The following ITPRID2 variants were observed in gnomAD, a reference collection of about 807,000 sequenced individuals.
ITPRID2 encodes ITPR interacting domain containing 2, also known as protein ITPRID2.
ITPRID2 carries 60 observed loss-of-function variants against 124.3 expected under a neutral mutation model. That is an observed-to-expected ratio of 0.48 (90% CI 0.39 to 0.60). The LOEUF (loss-of-function observed/expected upper bound fraction) is 0.60. Ranked by LOEUF, ITPRID2 falls within the 20% of genes least tolerant of loss-of-function variation. The pLI, the probability that ITPRID2 is intolerant of heterozygous loss-of-function variation, is 0.00. For missense variants in ITPRID2, 1,553 were observed against 1,512.2 expected, an observed-to-expected ratio of 1.03 and a Z score of -0.45; for synonymous variants, 521 against 542.9, an observed-to-expected ratio of 0.96 and a Z score of 0.56.
At position 181,905,301 on chromosome 2, in the gene ITPRID2, G is replaced by A. The variant is rs369590599; in HGVS notation, c.1413+2835G>A. 7.9e-5 allele frequency among the ~76,000 whole-genome samples: 12 copies of A among 151,828 alleles called. No individual in the cohort carries two copies. Among genetic ancestry groups the A allele is most frequent in the South Asian group, 2.1e-4 (1 of 4,818 alleles). On this transcript the variant is annotated intron_variant, in intron 8 of 17. Transcript: ENST00000431877. The surrounding 1 kb of genome is among the most constrained non-coding windows in gnomAD (Gnocchi z 4.1). The stretch of plus-strand genomic sequence containing the variant: ...CCTGACCTCGTGATCTGACCACCTC[G>A]GCCTCCCAAAATGCTGGGATTACAG...
At chr2:181,926,456 G>A (rs994093194) in intron 16 of ITPRID2, among the ~76,000 whole-genome samples, 2 of 152,096 alleles carry the variant, frequency 1.3e-5, no homozygotes, top group African/African-American at 4.8e-5. Context: ...GCTCACGCCT[G>A]TAATCCCAGC....
chr2:181,892,778 G>C lies in ITPRID2; in HGVS notation c.257+118G>C, dbSNP rs554085222. ...CGCGACCGTTGTAAGCTACAAACCG[G>C]AAAGTGAGCCGGCGGATAGCTTCCT... On this transcript the variant is annotated intron_variant, in intron 2 of 17. Coordinates refer to ENST00000431877, the MANE Select transcript of ITPRID2 (RefSeq NM_001130445.3). The surrounding 1 kb of genome is among the most constrained non-coding windows in gnomAD (Gnocchi z 5.2). The C allele has an allele frequency of 8.3e-7, 1 of 1,208,924 alleles. No individual in the cohort carries two copies. The highest frequency in any genetic ancestry group is 1.5e-5 in the African/African-American group (1 of 66,428). The allele number at this position is 1,208,924 out of a possible 1,614,324, so 74.9% of individuals were successfully genotyped here.
Position 181,910,502 on chromosome 2 carries a change from T to C in ITPRID2, c.1486+531T>C. The C allele has an allele frequency of 1.6e-6, 1 of 627,964 alleles. No individual in the cohort carries two copies. The highest frequency in any genetic ancestry group is 2.9e-6 in the Non-Finnish European group (1 of 349,028). 38.9% of individuals were successfully genotyped at this position (627,964 alleles called of 1,614,324 possible). On this transcript the variant is annotated intron_variant, in intron 9 of 17. Transcript: ENST00000431877. This position sits in a 1 kb window ranked among gnomAD's most constrained non-coding sequence, Gnocchi z 4.1. Reference sequence around the variant, plus strand: ...ATTATTAATTATTGACCAAAGAACCTTTGAATCCATCCCTTTCACTTTTAA... The same window carrying C: ...ATTATTAATTATTGACCAAAGAACCCTTGAATCCATCCCTTTCACTTTTAA...
chr2:181,900,894 T>C lies in ITPRID2; in HGVS notation c.702T>C (p.Tyr234=). The change falls in exon 7 of 18, where the codon TAT becomes TAC. Residue 234 remains tyrosine, a synonymous_variant. Coordinates refer to ENST00000431877, the MANE Select transcript of ITPRID2 (RefSeq NM_001130445.3). Reference sequence around the variant, plus strand: ...GGATGGAAGTAGAAAACCCAAATTATGCTTTAACAAGTAAGATTTTTAAGT... The same window carrying C: ...GGATGGAAGTAGAAAACCCAAATTACGCTTTAACAAGTAAGATTTTTAAGT... ...MQRMEVENPN[Y]ALTSRFRQIE... 1 of 1,606,616 alleles carries C rather than the reference T, an allele frequency of 6.2e-7. No homozygotes were observed. Among genetic ancestry groups the C allele is most frequent in the Non-Finnish European group, 8.5e-7 (1 of 1,177,604 alleles).
In ITPRID2 at chr2:181,919,316, A is replaced by G. The variant is rs1227420579; in HGVS notation, c.3014A>G (p.Gln1005Arg). 1 of 1,613,986 alleles carries G rather than the reference A, an allele frequency of 6.2e-7. No homozygotes were observed. The highest frequency in any genetic ancestry group is 1.3e-5 in the African/African-American group (1 of 74,926). Residue 1005 changes from glutamine (Q) to arginine (R), a missense_variant, in exon 14 of 18, where the codon CAG (glutamine) becomes CGG (arginine). Gln to Arg is a conservative substitution (Grantham distance 43, BLOSUM62 1). Transcript: ENST00000431877. The surrounding 1 kb of genome is among the most constrained non-coding windows in gnomAD (Gnocchi z 4.2). ...EEERFEVDQL[Q>R]GLRNSVRMEL... The stretch of plus-strand genomic sequence containing the variant: ...AATAGGTTTGAAGTTGATCAGCTCC[A>G]GGGTTTGAGAAATTCAGTCCGAATG...
At chr2:181,904,179 C>G (rs1692904927) in intron 8 of ITPRID2, among the ~76,000 whole-genome samples, 1 of 152,106 alleles carries the variant, frequency 6.6e-6, no homozygotes, top group African/African-American at 2.4e-5. Flanking sequence ...GCTAGATGTA[C>G]TTTTGTGGCA....
At chr2:181,925,086 A>G (rs1417669756) in intron 16 of ITPRID2, among the ~76,000 whole-genome samples, 1 of 152,230 alleles carries the variant, frequency 6.6e-6, no homozygotes, top group Non-Finnish European at 1.5e-5. Context: ...GACTTGATTC[A>G]TGCCTTTTGG....
intron 16 of ITPRID2, among the ~76,000 whole-genome samples, chr2:181,926,602 A>C (rs1694883118): frequency 6.6e-6 from 1 of 151,536 alleles, no homozygotes; most frequent in Non-Finnish European, 1.5e-5. Context: ...AGTCCCAGCT[A>C]CTCAGGAGGC....
At position 181,915,841 on chromosome 2, in the gene ITPRID2, TAAG is replaced by T; in HGVS notation, c.2205_2207del (p.Arg736del). ...TTATTTGCAAAAGCTGGCTATCCTCTAAGAAGGTCTCAGTCTTTACCAACCACC... is the reference window on the plus strand; with the variant it reads ...TTATTTGCAAAAGCTGGCTATCCTCTAAGGTCTCAGTCTTTACCAACCACC... On this transcript the variant is annotated inframe_deletion, in exon 11 of 18. Coordinates refer to ENST00000431877, the MANE Select transcript of ITPRID2 (RefSeq NM_001130445.3). 1 of 1,614,222 alleles carries T rather than the reference TAAG, an allele frequency of 6.2e-7. No individual in the cohort carries two copies. Among genetic ancestry groups the T allele is most frequent in the Non-Finnish European group, 8.5e-7 (1 of 1,180,038 alleles).
chr2:181,917,914 T>A (rs1438563112), intron 11 of ITPRID2: 1 of 152,442 alleles, frequency 6.6e-6, no homozygotes, highest in Non-Finnish European at 1.5e-5. Flanking sequence ...CCCAAAGTAC[T>A]GGGACTATAA....
At chr2:181,923,127 A>G (rs998695411) in intron 16 of ITPRID2, among the ~76,000 whole-genome samples, 3 of 152,246 alleles carry the variant, frequency 2.0e-5, no homozygotes, top group African/African-American at 7.2e-5. Context: ...GAACTGCAAA[A>G]GGAAATTACA....
chr2:181,913,154 A>G (rs1465513385), intron 9 of ITPRID2, among the ~76,000 whole-genome samples: 2 of 151,604 alleles, frequency 1.3e-5, no homozygotes, highest in South Asian at 2.1e-4. Flanking sequence ...TGCAACCTCC[A>G]CCTCCCAGGT....
At position 181,892,423 on chromosome 2, in the gene ITPRID2, C is replaced by T; in HGVS notation, c.211+146C>T. ...GACACTTCCGACCTTCAAACGCGCGCGCTGAACGAGGCGCCCCCAGCGTCA... is the reference window on the plus strand; with the variant it reads ...GACACTTCCGACCTTCAAACGCGCGTGCTGAACGAGGCGCCCCCAGCGTCA... On this transcript the variant is annotated intron_variant, in intron 1 of 17. Transcript: ENST00000431877. The surrounding 1 kb of genome is among the most constrained non-coding windows in gnomAD (Gnocchi z 5.2). The T allele has an allele frequency of 3.4e-6, 4 of 1,167,498 alleles. No individual in the cohort carries two copies. The highest frequency in any genetic ancestry group is 2.5e-5 in the Admixed American group (1 of 40,586). The allele number at this position is 1,167,498 out of a possible 1,614,324, so 72.3% of individuals were successfully genotyped here.
rs548083227 is a variant in ITPRID2, at chr2:181,914,139, ATATC to A, written c.1575+212_1575+215del. ...CTTCTCTCTGAATATGTTTTTAAAAATATCTATCTTCCCCTTAATTTTTGGACCA... is the reference window on the plus strand; with the variant it reads ...CTTCTCTCTGAATATGTTTTTAAAAATATCTTCCCCTTAATTTTTGGACCA... On this transcript the variant is annotated intron_variant, in intron 10 of 17. Coordinates refer to ENST00000431877, the MANE Select transcript of ITPRID2 (RefSeq NM_001130445.3). 2.0e-5 allele frequency among the ~76,000 whole-genome samples: 3 copies of A among 152,328 alleles called. No individual in the cohort carries two copies. In the South Asian group the frequency reaches 6.2e-4, roughly 32 times the overall value.
intron 4 of ITPRID2, among the ~76,000 whole-genome samples, chr2:181,897,470 T>A (rs542787095): frequency 4.1e-4 from 63 of 152,146 alleles, no homozygotes; most frequent in African/African-American, 1.5e-3. Context: ...TTAGAAATCA[T>A]GCTGGTGTTT....
intron 6 of ITPRID2, 118 bp downstream of exon 6, chr2:181,899,230 G>A (rs1692463506): frequency 2.8e-6 from 2 of 720,686 alleles, no homozygotes; most frequent in African/African-American, 1.8e-5. Flanking sequence ...CACAAAAAGA[G>A]CGTTTCCTGT....
At chr2:181,918,327 G>C (rs1024490469) in intron 11 of ITPRID2, 1 of 1,167,350 alleles carries the variant, frequency 8.6e-7, no homozygotes, top group Admixed American at 4.3e-5. Context: ...TTTTAGTTTC[G>C]CAAGAGGGAA....
In ITPRID2 at chr2:181,919,443, C is replaced by G. The variant is rs1008413375; in HGVS notation, c.3141C>G (p.Leu1047=). The G allele has an allele frequency of 6.3e-7, 1 of 1,578,568 alleles. No homozygotes were observed. Among genetic ancestry groups the G allele is most frequent in the Non-Finnish European group, 8.6e-7 (1 of 1,162,840 alleles). ...CTTCACCCTTCCGCTCCTCCGCACTCATGGTACGCTACCTGGAGGGTGGTC... is the reference window on the plus strand; with the variant it reads ...CTTCACCCTTCCGCTCCTCCGCACTGATGGTACGCTACCTGGAGGGTGGTC... ...RMPSPFRSSA[L]MGMCGSRSAD... The change falls in exon 14 of 18, where the codon CTC becomes CTG. Residue 1047 remains leucine, a synonymous_variant. Coordinates refer to ENST00000431877, the MANE Select transcript of ITPRID2 (RefSeq NM_001130445.3). This position sits in a 1 kb window ranked among gnomAD's most constrained non-coding sequence, Gnocchi z 4.2.
In ITPRID2 at chr2:181,892,491, A is replaced by G. The variant is rs1002438770; in HGVS notation, c.212-124A>G. The G allele has an allele frequency of 2.1e-5, 28 of 1,303,240 alleles. No individual in the cohort carries two copies. The highest frequency in any genetic ancestry group is 2.7e-5 in the Non-Finnish European group (25 of 910,194). 80.7% of individuals were successfully genotyped at this position (1,303,240 alleles called of 1,614,324 possible). ...CCATCCGATTTCCCTGCCAAGGGAC[A>G]CTGAGACGTGTCGCTTAGGCTGCAT... On this transcript the variant is annotated intron_variant, in intron 1 of 17. Coordinates refer to ENST00000431877, the MANE Select transcript of ITPRID2 (RefSeq NM_001130445.3). The surrounding 1 kb of genome is among the most constrained non-coding windows in gnomAD (Gnocchi z 5.2).
Sources: allele counts gnomAD v4.1 joint callset (sites outside exome capture counted in the v4.1 genomes callset), GRCh38; gene constraint gnomAD v4.1.1; non-coding constraint Gnocchi (gnomAD v3.1); transcripts MANE v1.5; gene names NCBI Gene and HGNC (gene_info 2026-07-23, HGNC 2026-07-21).